HSF2BP: variants seen among roughly 807,000 people sequenced by gnomAD.
The protein encoded by HSF2BP is heat shock factor 2-binding protein.
HSF2BP carries 35 observed loss-of-function variants against 35.0 expected under a neutral mutation model. The observed-to-expected ratio is 1.00, with a 90% confidence interval of 0.76 to 1.32. The LOEUF is 1.32. Among genes scored for constraint, HSF2BP ranks in the 40% most tolerant of loss-of-function variants. The probability of loss-of-function intolerance (pLI) is 0.00; values close to 1 mark genes in which losing one functional copy is unlikely to be tolerated. For missense variants in HSF2BP, 326 were observed against 321.7 expected (o/e 1.01, Z -0.10); for synonymous variants, 114 against 117.4 (o/e 0.97, Z 0.18).
rs1203114633 is a variant in HSF2BP, at chr21:43,658,196, C to T, written c.-100G>A. 1 of 1,344,216 alleles carries T rather than the reference C, an allele frequency of 7.4e-7. No homozygotes were observed. Among genetic ancestry groups the T allele is most frequent in the Middle Eastern group, 1.9e-4 (1 of 5,352 alleles). The allele number at this position is 1,344,216 out of a possible 1,614,324, so 83.3% of individuals were successfully genotyped here. On this transcript the variant is annotated 5_prime_UTR_variant, in exon 2 of 9. Transcript: ENST00000291560. ...ACGAATCCACGCCGGGGGTCGGGAACGGAGAGCCGCCAGGCCCAAACCTCC... is the reference window on the plus strand; with the variant it reads ...ACGAATCCACGCCGGGGGTCGGGAATGGAGAGCCGCCAGGCCCAAACCTCC...
chr21:43,619,817 G>A (rs2082311469), intron 6 of HSF2BP, among the ~76,000 whole-genome samples: 1 of 152,214 alleles, frequency 6.6e-6, no homozygotes, highest in African/African-American at 2.4e-5. Context: ...TGGAAACGCT[G>A]CTCTGTAACT....
At chr21:43,463,620 T>TA in the HSF2BP span, 5 of 151,830 alleles carry the variant, frequency 3.3e-5, no homozygotes, top group Non-Finnish European at 1.5e-5. Context: ...CCTCCTGGGG[T>TA]AGGGGCGACC....
Position 43,592,341 on chromosome 21 carries a change from A to T in HSF2BP, c.693-13T>A. The T allele has an allele frequency of 6.4e-7, 1 of 1,571,876 alleles. No individual in the cohort carries two copies. The highest frequency in any genetic ancestry group is 2.2e-5 in the East Asian group (1 of 44,688). ...CATCAGCATTAGCCTGAAATGTAAA[A>T]GAAAAAGGTGTTGGAATGCTCCATC... is the stretch of plus-strand genomic sequence containing the variant. On this transcript the variant is annotated splice_polypyrimidine_tract_variant and intron_variant, in intron 7 of 8. Coordinates refer to ENST00000291560, the MANE Select transcript of HSF2BP (RefSeq NM_007031.2).
intron 8 of HSF2BP, among the ~76,000 whole-genome samples, chr21:43,581,829 T>C (rs955382758): frequency 4.0e-5 from 6 of 150,756 alleles, no homozygotes; most frequent in African/African-American, 9.7e-5. Flanking sequence ...CTGCGGGAGA[T>C]GAGGGCCTGC....
intron 3 of HSF2BP, among the ~76,000 whole-genome samples, chr21:43,651,455 C>T (rs775821303): frequency 5.3e-5 from 8 of 152,108 alleles, no homozygotes; most frequent in Non-Finnish European, 1.0e-4. Flanking sequence ...ATGGAACTCA[C>T]GACCTTCCTT....
chr21:43,593,943 A>C (rs991954996), intron 7 of HSF2BP, among the ~76,000 whole-genome samples: 4 of 152,182 alleles, frequency 2.6e-5, no homozygotes, highest in African/African-American at 9.7e-5. Context: ...CAGGAGGCAC[A>C]AAAACATCTC....
intron 6 of HSF2BP, among the ~76,000 whole-genome samples, chr21:43,621,861 C>T (rs2082335107): frequency 6.6e-6 from 1 of 152,060 alleles, no homozygotes; most frequent in African/African-American, 2.4e-5. Flanking sequence ...CACTGGTACA[C>T]AGACAACCCC....
intron 7 of HSF2BP, among the ~76,000 whole-genome samples, chr21:43,596,843 A>G (rs1340821217): frequency 6.6e-6 from 1 of 150,518 alleles, no homozygotes; most frequent in Non-Finnish European, 1.5e-5. Context: ...TGACGGTGCC[A>G]GCCACTGCAC....
chr21:43,587,418 C>A (rs926323566), intron 8 of HSF2BP, among the ~76,000 whole-genome samples: 1 of 152,132 alleles, frequency 6.6e-6, no homozygotes, highest in Non-Finnish European at 1.5e-5. Context: ...ATAATCCCAG[C>A]ACTTTGGGAG....
intron 4 of HSF2BP, among the ~76,000 whole-genome samples, chr21:43,642,511 G>T (rs1029063549): frequency 6.6e-6 from 1 of 151,986 alleles, no homozygotes; most frequent in Non-Finnish European, 1.5e-5. Context: ...GCTTTCCTCT[G>T]TATTCACCTT....
chr21:43,505,393 G>T, the HSF2BP span, among the ~76,000 whole-genome samples: 93 of 111,788 alleles, frequency 8.3e-4, 16 homozygotes, highest in African/African-American at 3.6e-3. Context: ...TGCAGCACTG[G>T]TGCTGTCGCT....
In HSF2BP at chr21:43,650,332, G is replaced by A. The variant is rs369285573; in HGVS notation, c.188-5940C>T. ...CACCATTCTCCTGCCTCAGCCTCCC[G>A]AGTAGCTGGGACTACAGGCGCCCGC... On this transcript the variant is annotated intron_variant, in intron 3 of 8. Coordinates refer to ENST00000291560, the MANE Select transcript of HSF2BP (RefSeq NM_007031.2). 2.4e-4 allele frequency among the ~76,000 whole-genome samples: 36 copies of A among 151,902 alleles called. No homozygotes were observed. In the East Asian group the frequency reaches 3.9e-3, roughly 16 times the overall value.
chr21:43,644,378 C>T lies in HSF2BP; in HGVS notation c.202G>A (p.Glu68Lys), dbSNP rs1420311880. 1 of 1,613,790 alleles carries T rather than the reference C, an allele frequency of 6.2e-7. No homozygotes were observed. Among genetic ancestry groups the T allele is most frequent in the African/African-American group, 1.3e-5 (1 of 75,036 alleles). The stretch of plus-strand genomic sequence containing the variant: ...ATTTTCAGCTGCTCTAATTCTTGCT[C>T]TTTCCTTTCCAGGTCTAGGAGAAAG... ...KIVEKNLERK[E>K]QELEQLKMDC... Residue 68 changes from glutamate to lysine, a missense_variant, in exon 4 of 9, where the codon GAG becomes AAG. By Grantham distance (56) the Glu-to-Lys change is moderately conservative. Coordinates refer to ENST00000291560, the MANE Select transcript of HSF2BP (RefSeq NM_007031.2).
chr21:43,648,695 A>G (rs2082741819), intron 3 of HSF2BP, among the ~76,000 whole-genome samples: 2 of 152,232 alleles, frequency 1.3e-5, no homozygotes, highest in African/African-American at 2.4e-5. Context: ...CTCTTCATGG[A>G]TATTTCTCAA....
At chr21:43,575,273 C>A (rs1331925666) in intron 8 of HSF2BP, among the ~76,000 whole-genome samples, 2 of 152,236 alleles carry the variant, frequency 1.3e-5, no homozygotes, top group Non-Finnish European at 2.9e-5. Flanking sequence ...GCTCGCCTTT[C>A]GAGGTGACGC....
At position 43,605,546 on chromosome 21, in the gene HSF2BP, C is replaced by T. The variant is rs186008271; in HGVS notation, c.692+8284G>A. On this transcript the variant is annotated intron_variant, in intron 7 of 8. Transcript: ENST00000291560. ...CCCACAAACACACATACCCCATACC[C>T]TCCACATGTACATACACACCACAAA... 2.0e-5 allele frequency among the ~76,000 whole-genome samples: 3 copies of T among 149,348 alleles called. No individual in the cohort carries two copies. The East Asian group carries it at 6.0e-4, about 30-fold the overall frequency.
the HSF2BP span, among the ~76,000 whole-genome samples, chr21:43,501,296 C>T: frequency 4.0e-5 from 5 of 123,854 alleles, 1 homozygote; most frequent in South Asian, 1.2e-3. Context: ...GTAATGAAAT[C>T]CCCTGCCGTC....
At chr21:43,621,226 A>G (rs1016984400) in intron 6 of HSF2BP, among the ~76,000 whole-genome samples, 2 of 152,214 alleles carry the variant, frequency 1.3e-5, no homozygotes, top group East Asian at 3.8e-4. Flanking sequence ...AGACTTCTCA[A>G]CAGAAACTAT....
rs952164044 is a variant in HSF2BP at position 43,586,834 on chromosome 21, CTT to C, written c.796+5389_796+5390del. Among the ~76,000 whole-genome samples the C allele has an allele frequency of 6.5e-4, 99 of 151,624 alleles. 1 individual carries two copies. Among genetic ancestry groups the C allele is most frequent in the Middle Eastern group, 6.8e-3 (2 of 294 alleles). On this transcript the variant is annotated intron_variant, in intron 8 of 8. Transcript: ENST00000291560. ...TTTTTTTTTTTAATGAAGTTTCACT[CTT>C]GTTGCCCAGACTGAAGTGCAGTGGC...
Sources: gnomAD v4.1 joint callset for allele counts (sites outside exome capture counted in the v4.1 genomes callset) on GRCh38, gnomAD v4.1.1 for gene constraint, MANE v1.5 for transcripts, NCBI Gene and HGNC (gene_info 2026-07-23, HGNC 2026-07-21) for gene names.